Variants in PREX1 observed in about 807,000 individuals in gnomAD.
The protein encoded by PREX1 is phosphatidylinositol 3,4,5-trisphosphate-dependent Rac exchanger 1 protein.
Under a neutral mutation model 198.3 loss-of-function variants are expected in PREX1, and 41 were observed. That is an observed-to-expected ratio of 0.21 (90% confidence interval 0.16 to 0.27). The LOEUF is 0.27. Among genes scored for constraint, PREX1 ranks in the 10% least tolerant of loss-of-function variants. PREX1 has a pLI of 1.00. For synonymous variants in PREX1, 843 were observed against 887.2 expected (o/e 0.95, Z 0.89); for missense variants, 1,620 against 2,200.7 (o/e 0.74, Z 5.28).
intron 15 of PREX1, among the ~76,000 whole-genome samples, chr20:48,664,387 A>G (rs1490781331): frequency 2.6e-4 from 40 of 151,664 alleles, no homozygotes; most frequent in African/African-American, 9.2e-4. Flanking sequence ...AAAAAAAAAA[A>G]AGAGAGAGAA....
the PREX1 span, among the ~76,000 whole-genome samples, chr20:48,882,012 G>A: frequency 6.9e-6 from 1 of 144,940 alleles, no homozygotes; most frequent in South Asian, 2.2e-4. Context: ...CATACAATAT[G>A]TTTTTTATGA....
chr20:48,661,138 G>A (rs909792936), intron 15 of PREX1, among the ~76,000 whole-genome samples: 3 of 151,962 alleles, frequency 2.0e-5, no homozygotes, highest in Non-Finnish European at 4.4e-5. Flanking sequence ...TACTGACGCC[G>A]GCCAGAGGCG....
At chr20:48,796,221 T>A (rs1030205379) in intron 1 of PREX1, among the ~76,000 whole-genome samples, 2 of 151,942 alleles carry the variant, frequency 1.3e-5, no homozygotes, top group Admixed American at 1.3e-4. Context: ...TGAAGTGGCA[T>A]GTGTCTGTCC....
At chr20:48,644,382 A>G in intron 27 of PREX1, 27 bp downstream of exon 27, 1 of 1,582,230 alleles carries the variant, frequency 6.3e-7, no homozygotes, top group Non-Finnish European at 8.7e-7. Flanking sequence ...TCTCTCCCTG[A>G]GCACAGGCCG....
rs553227789 is a variant in PREX1 at position 48,678,537 on chromosome 20, C to A, written c.1589+823G>T. 2.1e-4 allele frequency among the ~76,000 whole-genome samples: 32 copies of A among 152,210 alleles called. No individual in the cohort carries two copies. In the South Asian group the frequency reaches 6.7e-3, roughly 32 times the overall value. On this transcript the variant is annotated intron_variant, in intron 13 of 39. Transcript: ENST00000371941. ...CTGATATCGTTGGGTTGTGTCCCCA[C>A]CCAAATCTCATCTTGAATGGCAGCT...
intron 10 of PREX1, 103 bp from the exon 11 acceptor site, chr20:48,681,438 C>T (rs775951629): frequency 7.3e-6 from 8 of 1,102,046 alleles, no homozygotes; most frequent in Non-Finnish European, 1.1e-5. Context: ...GGAATGACAG[C>T]TAGAACTTCC....
At chr20:48,758,952 C>A (rs928929236) in intron 1 of PREX1, among the ~76,000 whole-genome samples, 2 of 152,134 alleles carry the variant, frequency 1.3e-5, no homozygotes, top group African/African-American at 4.8e-5. Context: ...CATTCCCCTG[C>A]GGAGGCCAAA....
chr20:48,693,217 T>C (rs2089828728), intron 7 of PREX1, among the ~76,000 whole-genome samples: 1 of 152,018 alleles, frequency 6.6e-6, no homozygotes, highest in African/African-American at 2.4e-5. Flanking sequence ...CATCCATCCA[T>C]CCATCCATCA....
intron 1 of PREX1, among the ~76,000 whole-genome samples, chr20:48,768,990 C>T (rs1177650462): frequency 6.6e-6 from 1 of 151,994 alleles, no homozygotes; most frequent in Admixed American, 6.6e-5. Context: ...GAGATTGTCA[C>T]CGTCCACCCT....
intron 13 of PREX1, among the ~76,000 whole-genome samples, chr20:48,678,201 C>T (rs1470413228): frequency 6.6e-6 from 1 of 152,038 alleles, no homozygotes; most frequent in Non-Finnish European, 1.5e-5. Context: ...GTAATGCCAG[C>T]CACTCAGGCA....
intron 1 of PREX1, among the ~76,000 whole-genome samples, chr20:48,782,260 T>C (rs996354736): frequency 5.3e-5 from 8 of 152,198 alleles, no homozygotes; most frequent in East Asian, 1.9e-4. Flanking sequence ...TGGGAGATAA[T>C]TGAATCATGG....
At chr20:48,766,173 G>C (rs148377385) in intron 1 of PREX1, among the ~76,000 whole-genome samples, 1 of 152,270 alleles carries the variant, frequency 6.6e-6, no homozygotes, top group African/African-American at 2.4e-5. Flanking sequence ...AATAATAATA[G>C]AAACAAAGTA....
chr20:48,649,338 G>T lies in PREX1; in HGVS notation c.3267C>A (p.Ala1089=), dbSNP rs768475839. Residue 1089 remains alanine (A), a synonymous_variant, in exon 25 of 40, where the codon GCC becomes GCA. Coordinates refer to ENST00000371941, the MANE Select transcript of PREX1 (RefSeq NM_020820.4). ...YLQLFTKLDV[A]LKEMKQYVTQ... ...TGACATATTGCTTCATCTCCTTCAG[G>T]GCCACATCCAGCTTGGTGAAGAGCT... The T allele has an allele frequency of 1.2e-6, 2 of 1,614,054 alleles. No individual in the cohort carries two copies. The highest frequency in any genetic ancestry group is 2.2e-5 in the South Asian group (2 of 91,072).
intron 1 of PREX1, among the ~76,000 whole-genome samples, chr20:48,762,796 G>A (rs1204304214): frequency 1.3e-5 from 2 of 150,436 alleles, no homozygotes; most frequent in Non-Finnish European, 2.9e-5. Context: ...TCCGCCTTCT[G>A]GGTTCAAGCG....
chr20:48,781,048 C>A (rs2090287465), intron 1 of PREX1, among the ~76,000 whole-genome samples: 1 of 152,064 alleles, frequency 6.6e-6, no homozygotes. Context: ...AATACCTGAC[C>A]AGGACTCTTC....
the PREX1 span, among the ~76,000 whole-genome samples, chr20:48,859,838 C>T: frequency 3.3e-5 from 5 of 151,958 alleles, 1 homozygote; most frequent in South Asian, 8.3e-4. Context: ...GCCAACATGG[C>T]GAAACCCTGT....
At chr20:48,841,698 G>A in the PREX1 span, among the ~76,000 whole-genome samples, 13 of 152,304 alleles carry the variant, frequency 8.5e-5, no homozygotes, top group African/African-American at 2.6e-4. Flanking sequence ...AATCAGAACC[G>A]CAGCCGGCTG....
intron 7 of PREX1, among the ~76,000 whole-genome samples, chr20:48,698,799 T>C (rs1568829695): frequency 6.6e-6 from 1 of 152,100 alleles, no homozygotes; most frequent in Non-Finnish European, 1.5e-5. Flanking sequence ...ACAACAATGG[T>C]GCTGGCAGCT....
At chr20:48,649,175 T>C (rs957803152) in intron 25 of PREX1, 125 bp downstream of exon 25, 19 of 1,336,098 alleles carry the variant, frequency 1.4e-5, no homozygotes, top group Non-Finnish European at 1.7e-5. Flanking sequence ...TACTGCTAAA[T>C]AGCCTATAAT....
Sources: gnomAD v4.1 joint callset for allele counts (sites outside exome capture counted in the v4.1 genomes callset) on GRCh38, gnomAD v4.1.1 for gene constraint, MANE v1.5 for transcripts, NCBI Gene and HGNC (gene_info 2026-07-23, HGNC 2026-07-21) for gene names.